KCNU1: variants seen among roughly 807,000 people sequenced by gnomAD.
KCNU1 encodes potassium calcium-activated channel subfamily U member 1.
KCNU1 carries 93 observed loss-of-function variants against 126.8 expected under a neutral mutation model. The observed-to-expected ratio is 0.73, with a 90% CI of 0.62 to 0.87. KCNU1 has a LOEUF of 0.87. Among genes scored for constraint, KCNU1 ranks in the 40% least tolerant of loss-of-function variants. The pLI, the probability that KCNU1 is intolerant of heterozygous loss-of-function variation, is 0.00. For synonymous variants in KCNU1, 523 were observed against 494.2 expected, an observed-to-expected ratio of 1.06 and a Z score of -0.77; for missense variants, 1,330 against 1,367.1, an observed-to-expected ratio of 0.97 and a Z score of 0.43.
chr8:36,888,830 A>G (rs1449400080), intron 19 of KCNU1: 1 of 502,144 alleles, frequency 2.0e-6, no homozygotes, highest in African/African-American at 2.0e-5. Context: ...TATAACAGGA[A>G]TGAAGAACAA....
chr8:36,841,108 A>T, intron 16 of KCNU1, 105 bp downstream of exon 16: 1 of 773,908 alleles, frequency 1.3e-6, no homozygotes. Flanking sequence ...GCTATAACTA[A>T]GCTTTTTCCC....
rs918090315 is a variant in KCNU1, at chr8:36,923,073, C to T, written c.2736+444C>T. On this transcript the variant is annotated intron_variant, in intron 24 of 26. Coordinates refer to ENST00000399881, the MANE Select transcript of KCNU1 (RefSeq NM_001031836.3). ...AGTTTTGCTCAGAGCTAAGTCAAAT[C>T]TCCCTCCATGTTCCTCCTCTCATGG... is the stretch of plus-strand genomic sequence containing the variant. The T allele has an allele frequency of 1.5e-4, 68 of 456,788 alleles. 1 individual carries two copies. Among genetic ancestry groups the T allele is most frequent in the African/African-American group, 1.3e-3 (66 of 50,112 alleles). The allele number at this position is 456,788 out of a possible 1,614,324, so 28.3% of individuals were successfully genotyped here.
rs191145668 is a variant in KCNU1, at chr8:36,854,289, T to C, written c.1891+8390T>C. 1.6e-3 allele frequency among the ~76,000 whole-genome samples: 249 copies of C among 152,250 alleles called. 2 individuals are homozygous for C. The highest frequency in any genetic ancestry group is 4.6e-3 in the African/African-American group (191 of 41,570). ...ACCACTTTGAGAAGTTATTGGCCATTATTTCTCAAATATTCACTCTACTCC... is the reference window on the plus strand; with the variant it reads ...ACCACTTTGAGAAGTTATTGGCCATCATTTCTCAAATATTCACTCTACTCC... On this transcript the variant is annotated intron_variant, in intron 18 of 26. Coordinates refer to ENST00000399881, the MANE Select transcript of KCNU1 (RefSeq NM_001031836.3).
At chr8:36,865,791 AAAAAAAAG>A (rs1179722661) in intron 19 of KCNU1, among the ~76,000 whole-genome samples, 2 of 151,186 alleles carry the variant, frequency 1.3e-5, no homozygotes, top group Non-Finnish European at 3.0e-5. Context: ...AAAAAAAAAA[AAAAAAAAG>A]AATGGATAAA....
intron 19 of KCNU1, among the ~76,000 whole-genome samples, chr8:36,867,899 G>A (rs1805968699): frequency 6.6e-6 from 1 of 152,096 alleles, no homozygotes; most frequent in Non-Finnish European, 1.5e-5. Flanking sequence ...ATTTCTGGTT[G>A]GGGATCCCTA....
At chr8:36,844,390 C>CA (rs527722655) in intron 16 of KCNU1, among the ~76,000 whole-genome samples, 3,522 of 135,224 alleles carry the variant, frequency 0.026, 129 homozygotes, top group African/African-American at 0.086. Flanking sequence ...CAAAAAAAAA[C>CA]AAAAAAAAAA....
intron 9 of KCNU1, among the ~76,000 whole-genome samples, chr8:36,816,861 T>C (rs575096933): frequency 6.6e-6 from 1 of 152,054 alleles, no homozygotes; most frequent in Admixed American, 6.6e-5. Context: ...TGAAACAATC[T>C]GGAATGTGGT....
rs532321401 is a variant in KCNU1 at position 36,935,564 on chromosome 8, C to A, written c.3094C>A (p.Leu1032Ile). The A allele has an allele frequency of 6.2e-7, 1 of 1,612,290 alleles. No homozygotes were observed. The highest frequency in any genetic ancestry group is 8.5e-7 in the Non-Finnish European group (1 of 1,178,940). ...TGAGTTCAAGCTGCTGCCTTCAGAT[C>A]TTGTGTTTTGTGCCATACCCTTCAG... ...ANEFKLLPSDLVFCAIPFSTA... is the reference protein window; with the variant it reads ...ANEFKLLPSDIVFCAIPFSTA... Residue 1032 changes from leucine (L) to isoleucine (I), a missense_variant, in exon 27 of 27, where the codon CTT becomes ATT. Physicochemically the swap from Leu to Ile is conservative, Grantham distance 5. Around this residue, in one of 3 missense-constraint regions of KCNU1, gnomAD observed 1,054 missense variants for 1,053.9 expected, o/e 1.00. Coordinates refer to ENST00000399881, the MANE Select transcript of KCNU1 (RefSeq NM_001031836.3).
chr8:36,910,630 C>A (rs1807832384), intron 21 of KCNU1, among the ~76,000 whole-genome samples: 1 of 152,196 alleles, frequency 6.6e-6, no homozygotes, highest in East Asian at 1.9e-4. Context: ...TACCCTGACC[C>A]TACTCTCTTC....
At chr8:36,892,550 T>A (rs2117450847) in intron 19 of KCNU1, among the ~76,000 whole-genome samples, 1 of 138,850 alleles carries the variant, frequency 7.2e-6, no homozygotes. Context: ...CTCATAATTT[T>A]TTGTTGAAAG....
chr8:36,802,132 A>T (rs13263481), intron 2 of KCNU1, among the ~76,000 whole-genome samples: 1 of 149,070 alleles, frequency 6.7e-6, no homozygotes, highest in Non-Finnish European at 1.5e-5. Flanking sequence ...AAAAAAAAAA[A>T]GGAACTTACG....
intron 18 of KCNU1, among the ~76,000 whole-genome samples, chr8:36,862,370 T>G (rs973327316): frequency 3.9e-5 from 6 of 152,188 alleles, no homozygotes; most frequent in African/African-American, 1.4e-4. Flanking sequence ...CTGTTGCAAC[T>G]TCTTTGTCTG....
intron 12 of KCNU1, among the ~76,000 whole-genome samples, chr8:36,836,095 G>T (rs1459571600): frequency 6.6e-6 from 1 of 152,134 alleles, no homozygotes; most frequent in African/African-American, 2.4e-5. Flanking sequence ...CATAGATTTG[G>T]TTGGCAAAGT....
chr8:36,873,970 G>A (rs1439413156), intron 19 of KCNU1, among the ~76,000 whole-genome samples: 1 of 152,136 alleles, frequency 6.6e-6, no homozygotes, highest in Admixed American at 6.5e-5. Flanking sequence ...TTATTAAAAT[G>A]CACATGAAAA....
At chr8:36,869,464 A>G (rs1806025662) in intron 19 of KCNU1, among the ~76,000 whole-genome samples, 1 of 152,048 alleles carries the variant, frequency 6.6e-6, no homozygotes, top group South Asian at 2.1e-4. Flanking sequence ...TATCAACTTC[A>G]TCTCCATCCT....
chr8:36,800,324 T>G (rs968215850), intron 2 of KCNU1, among the ~76,000 whole-genome samples: 1 of 152,166 alleles, frequency 6.6e-6, no homozygotes, highest in African/African-American at 2.4e-5. Context: ...CTAAACAGGT[T>G]TTTTTAGATC....
intron 18 of KCNU1, among the ~76,000 whole-genome samples, chr8:36,853,258 G>A (rs771400926): frequency 9.2e-5 from 14 of 152,166 alleles, no homozygotes; most frequent in Non-Finnish European, 1.5e-4. Context: ...GCTGAGGCAG[G>A]AGAGTCACTT....
chr8:36,867,854 A>G (rs1377609019), intron 19 of KCNU1, among the ~76,000 whole-genome samples: 1 of 152,158 alleles, frequency 6.6e-6, no homozygotes, highest in Non-Finnish European at 1.5e-5. Flanking sequence ...GATCCAGACA[A>G]CCTGGTTCAT....
intron 24 of KCNU1, among the ~76,000 whole-genome samples, chr8:36,927,827 C>G (rs1421407151): frequency 6.6e-6 from 1 of 151,764 alleles, no homozygotes; most frequent in African/African-American, 2.4e-5. Flanking sequence ...GAAACATTGA[C>G]CAAATTTGAA....
Sources: gnomAD v4.1 joint callset for allele counts (sites outside exome capture counted in the v4.1 genomes callset) on GRCh38, gnomAD v4.1.1 for gene constraint, gnomAD v4.1.1 regional missense constraint, MANE v1.5 for transcripts, NCBI Gene and HGNC (gene_info 2026-07-23, HGNC 2026-07-21) for gene names.